Variants in FARP1 observed in about 807,000 individuals in gnomAD.
FARP1 encodes FERM, ARH/RhoGEF and pleckstrin domain protein 1, also known as FERM, ARHGEF and pleckstrin domain-containing protein 1.
Under a neutral mutation model 128.8 loss-of-function variants are expected in FARP1, and 52 were observed. That is an observed-to-expected ratio of 0.40 (90% CI 0.32 to 0.51). FARP1 has a LOEUF of 0.51. FARP1 is among the 20% of genes least tolerant of loss of function. The pLI is 0.45. For synonymous variants in FARP1, 580 were observed against 551.8 expected, an observed-to-expected ratio of 1.05 and a Z score of -0.72; for missense variants, 1,333 against 1,367.9, an observed-to-expected ratio of 0.97 and a Z score of 0.40.
At chr13:98,272,967 G>C (rs1454056016) in intron 2 of FARP1, among the ~76,000 whole-genome samples, 1 of 152,186 alleles carries the variant, frequency 6.6e-6, no homozygotes, top group Non-Finnish European at 1.5e-5. Context: ...TTCTAAAGAG[G>C]TATATTCTGA....
intron 19 of FARP1, among the ~76,000 whole-genome samples, chr13:98,438,421 G>C (rs1020629624): frequency 1.1e-4 from 16 of 152,112 alleles, no homozygotes; most frequent in African/African-American, 3.6e-4. Context: ...TGGGGATCCT[G>C]GGGTTACACA....
intron 1 of FARP1, among the ~76,000 whole-genome samples, chr13:98,170,558 G>T (rs1490388143): frequency 6.6e-6 from 1 of 151,246 alleles, no homozygotes; most frequent in Non-Finnish European, 1.5e-5. Flanking sequence ...GGGTTTCACC[G>T]TGTTAGCCAG....
chr13:98,210,425 C>T (rs1349442286), intron 1 of FARP1, among the ~76,000 whole-genome samples: 2 of 152,148 alleles, frequency 1.3e-5, no homozygotes, highest in African/African-American at 4.8e-5. Flanking sequence ...GGACAACCCA[C>T]AGGATGTCCT....
intron 1 of FARP1, among the ~76,000 whole-genome samples, chr13:98,183,312 A>G (rs1348524634): frequency 1.3e-5 from 2 of 152,022 alleles, no homozygotes; most frequent in South Asian, 2.1e-4. Flanking sequence ...CTTCAACTCT[A>G]TCAGTCCATT....
rs1403457197 is a variant in FARP1 at position 98,389,948 on chromosome 13, C to A, written c.856-9C>A. On this transcript the variant is annotated splice_polypyrimidine_tract_variant and intron_variant, in intron 9 of 26. Transcript: ENST00000319562. ...TGGAAAAAACCACCGTTGTATTTTC[C>A]CTTTTTAGAGTGCGTACCAGGATAC... 6.2e-7 allele frequency: 1 copy of A among 1,613,512 alleles called. No individual in the cohort carries two copies. The highest frequency in any genetic ancestry group is 8.5e-7 in the Non-Finnish European group (1 of 1,179,780).
chr13:98,234,347 G>T (rs1343858473), intron 2 of FARP1: 1 of 152,144 alleles, frequency 6.6e-6, no homozygotes, highest in East Asian at 1.9e-4. Context: ...GTGGCCTGTT[G>T]GCTGATCTCA....
chr13:98,219,933 C>T (rs910530644), intron 2 of FARP1, among the ~76,000 whole-genome samples: 4 of 152,230 alleles, frequency 2.6e-5, no homozygotes, highest in East Asian at 3.9e-4. Flanking sequence ...CCTCCTAAAG[C>T]GCTGTGATTG....
chr13:98,338,338 C>A (rs544591260), intron 2 of FARP1, among the ~76,000 whole-genome samples: 61 of 152,328 alleles, frequency 4.0e-4, no homozygotes, highest in African/African-American at 1.4e-3. Context: ...AAGCCCCTGG[C>A]AACCCCCATT....
At chr13:98,358,856 C>G (rs1263061138) in intron 3 of FARP1, among the ~76,000 whole-genome samples, 1 of 152,082 alleles carries the variant, frequency 6.6e-6, no homozygotes, top group Non-Finnish European at 1.5e-5. Flanking sequence ...CCAGGATGGT[C>G]TCGATCTCCT....
At chr13:98,391,581 T>C (rs1214720828) in intron 11 of FARP1, among the ~76,000 whole-genome samples, 2 of 152,132 alleles carry the variant, frequency 1.3e-5, no homozygotes, top group African/African-American at 4.8e-5. Context: ...AGAAACAGGA[T>C]TTATTATTAT....
chr13:98,149,462 C>G (rs74385972), intron 1 of FARP1, among the ~76,000 whole-genome samples: 1 of 151,872 alleles, frequency 6.6e-6, no homozygotes, highest in Non-Finnish European at 1.5e-5. Context: ...ATTTTTCCTC[C>G]TGGGTCTTTA....
At chr13:98,242,836 A>G (rs1219583317) in intron 2 of FARP1, among the ~76,000 whole-genome samples, 2 of 152,238 alleles carry the variant, frequency 1.3e-5, no homozygotes, top group Non-Finnish European at 2.9e-5. Flanking sequence ...TAAGATTTTA[A>G]TATGTGTATC....
At chr13:98,312,403 T>C (rs1387615924) in intron 2 of FARP1, among the ~76,000 whole-genome samples, 1 of 152,186 alleles carries the variant, frequency 6.6e-6, no homozygotes, top group Non-Finnish European at 1.5e-5. Flanking sequence ...CCTCCCAAAA[T>C]GCTGGGATTA....
chr13:98,353,365 G>C (rs1040846480), intron 3 of FARP1, among the ~76,000 whole-genome samples: 1 of 152,106 alleles, frequency 6.6e-6, no homozygotes, highest in East Asian at 1.9e-4. Context: ...CTGTACATTT[G>C]CTTTGTGCAG....
At chr13:98,326,033 A>G (rs1221296018) in intron 2 of FARP1, among the ~76,000 whole-genome samples, 1 of 152,234 alleles carries the variant, frequency 6.6e-6, no homozygotes, top group Admixed American at 6.5e-5. Flanking sequence ...AAATTTTTCT[A>G]TTGGGCAATC....
At chr13:98,352,906 CCCTCTACAAGTAA>C (rs1316913901) in intron 3 of FARP1, among the ~76,000 whole-genome samples, 2 of 152,138 alleles carry the variant, frequency 1.3e-5, no homozygotes, top group African/African-American at 4.8e-5. Context: ...TAAACTCCTG[CCCTCTACAAGTAA>C]CCTCCATGCA....
At chr13:98,153,467 T>TGTATAATATATAATACATTATATAA (rs1876216350) in intron 1 of FARP1, among the ~76,000 whole-genome samples, 1 of 42,094 alleles carries the variant, frequency 2.4e-5, no homozygotes, top group Non-Finnish European at 9.1e-5. Context: ...ACATTATATA[T>TGTATAATATATAATACATTATATAA]AAATATGTAT....
At chr13:98,252,408 T>C (rs1039171288) in intron 2 of FARP1, among the ~76,000 whole-genome samples, 1 of 152,192 alleles carries the variant, frequency 6.6e-6, no homozygotes, top group African/African-American at 2.4e-5. Flanking sequence ...CAATAGAACG[T>C]TCATTACCTG....
At chr13:98,323,741 A>G (rs1244787154) in intron 2 of FARP1, among the ~76,000 whole-genome samples, 2 of 152,188 alleles carry the variant, frequency 1.3e-5, no homozygotes, top group South Asian at 2.1e-4. Context: ...TATCTAGTTT[A>G]TTTTGCTACT....
Sources: allele counts gnomAD v4.1 joint callset (sites outside exome capture counted in the v4.1 genomes callset), GRCh38; gene constraint gnomAD v4.1.1; transcripts MANE v1.5; gene names NCBI Gene and HGNC (gene_info 2026-07-23, HGNC 2026-07-21).